HMCN1: variants seen among roughly 807,000 people sequenced by gnomAD.
The protein encoded by HMCN1 is hemicentin 1.
Under a neutral mutation model 625.9 loss-of-function variants are expected in HMCN1, and 321 were observed. The observed-to-expected ratio is 0.51, with a 90% confidence interval of 0.47 to 0.56. HMCN1 has a LOEUF of 0.56. Ranked by LOEUF, HMCN1 falls within the 20% of genes least tolerant of loss-of-function variation. HMCN1 has a pLI of 0.00. For missense variants in HMCN1, 6,588 were observed against 6,887.3 expected, an observed-to-expected ratio of 0.96 and a Z score of 1.54; for synonymous variants, 2,425 against 2,417.6, an observed-to-expected ratio of 1.00 and a Z score of -0.09.
In HMCN1 at chr1:186,081,282, TAG is replaced by T; in HGVS notation, c.8678_8679del (p.Glu2893ValfsTer24). 6.2e-7 allele frequency: 1 copy of T among 1,613,136 alleles called. No individual in the cohort carries two copies. The highest frequency in any genetic ancestry group is 8.5e-7 in the Non-Finnish European group (1 of 1,179,152). On this transcript the variant is annotated frameshift_variant, in exon 56 of 107. Coordinates refer to ENST00000271588, the MANE Select transcript of HMCN1 (RefSeq NM_031935.3). LOFTEE classifies it high-confidence loss of function. The stretch of plus-strand genomic sequence containing the variant: ...GTGCTGGTGAACAAGAGTGCACTGA[TAG>T]AGTGTTTATCCAGTGGCAGCCCAGC...
At chr1:186,127,751 C>T (rs556675723) in intron 82 of HMCN1, among the ~76,000 whole-genome samples, 9 of 152,200 alleles carry the variant, frequency 5.9e-5, no homozygotes, top group Non-Finnish European at 1.3e-4. Context: ...AAGATGCTGT[C>T]AGCTTTTGGG....
chr1:185,994,978 C>A lies in HMCN1; in HGVS notation c.3669C>A (p.Asp1223Glu). 6.2e-7 allele frequency: 1 copy of A among 1,613,844 alleles called. No homozygotes were observed. ...GAGAGCACCATGTTAGCAATCCAGA[C>A]GGAACTTTAAGCATCGACCAAGCCA... ...VDGEHHVSNP[D>E]GTLSIDQATP... The change falls in exon 24 of 107, where the codon GAC (aspartate) becomes GAA (glutamate). Residue 1223 changes from aspartate to glutamate, a missense_variant. Physicochemically the swap from Asp to Glu is conservative, Grantham distance 45. This residue lies in a region of HMCN1 where 4,628 missense variants were observed against 4,853.1 expected (regional missense o/e 0.95). Coordinates refer to ENST00000271588, the MANE Select transcript of HMCN1 (RefSeq NM_031935.3).
chr1:186,080,112 T>C (rs1436923063), intron 55 of HMCN1, among the ~76,000 whole-genome samples: 1 of 152,236 alleles, frequency 6.6e-6, no homozygotes, highest in Non-Finnish European at 1.5e-5. Context: ...TAATCTGCAG[T>C]TCAAATTATA....
At position 186,114,000 on chromosome 1, in the gene HMCN1, G is replaced by C. The variant is rs140251121; in HGVS notation, c.11153G>C (p.Gly3718Ala). Residue 3718 changes from glycine to alanine, a missense_variant, in exon 73 of 107, where the codon GGC becomes GCC. Coordinates refer to ENST00000271588, the MANE Select transcript of HMCN1 (RefSeq NM_031935.3). Reference protein sequence around the residue: ...TVNVPPNIKGGPQSLVILLNK... With the variant: ...TVNVPPNIKGAPQSLVILLNK... ...TCAGTTCCTCCAAACATAAAGGGGG[G>C]CCCCCAGAGCCTTGTAATTCTTTTA... The C allele has an allele frequency of 1.9e-6, 3 of 1,614,076 alleles. No individual in the cohort carries two copies. The South Asian group carries it at 3.3e-5, about 18-fold the overall frequency.
intron 54 of HMCN1, among the ~76,000 whole-genome samples, chr1:186,077,648 C>A (rs1307390320): frequency 6.6e-6 from 1 of 152,102 alleles, no homozygotes; most frequent in Non-Finnish European, 1.5e-5. Context: ...ATTATATCTA[C>A]ATGATGTTTA....
Position 186,068,041 on chromosome 1 carries a change from C to T in HMCN1, c.7879+34C>T, listed in dbSNP as rs368942580. ...TTTGCTTCAGATGTCCAAGATGCAT[C>T]TGCGTCATCTACTATTCTAGAAAAG... On this transcript the variant is annotated intron_variant, in intron 50 of 106. Coordinates refer to ENST00000271588, the MANE Select transcript of HMCN1 (RefSeq NM_031935.3). The T allele has an allele frequency of 5.9e-5, 91 of 1,531,300 alleles. 1 individual carries two copies. Among genetic ancestry groups the T allele is most frequent in the Non-Finnish European group, 8.1e-5 (90 of 1,104,910 alleles). The allele number at this position is 1,531,300 out of a possible 1,614,324, so 94.9% of individuals were successfully genotyped here. A position where few individuals can be genotyped will look rare whatever the true frequency, so the allele number is the denominator to read the frequency against.
Position 186,039,853 on chromosome 1 carries a change from G to C in HMCN1, c.6154G>C (p.Val2052Leu). The C allele has an allele frequency of 1.2e-6, 2 of 1,613,336 alleles. No homozygotes were observed. The highest frequency in any genetic ancestry group is 1.7e-6 in the Non-Finnish European group (2 of 1,179,540). The stretch of plus-strand genomic sequence containing the variant: ...GACCTGGTTGAAAGATGGGAGTCCT[G>C]TTTCTAGTTTTTCTAATGGATTACA... ...SLTWLKDGSP[V>L]SSFSNGLQVL... Residue 2052 changes from valine to leucine, a missense_variant, in exon 39 of 107, where the codon GTT becomes CTT. Val to Leu is a conservative substitution (Grantham distance 32). Coordinates refer to ENST00000271588, the MANE Select transcript of HMCN1 (RefSeq NM_031935.3).
chr1:186,149,761 A>G (rs1650555572), intron 93 of HMCN1, among the ~76,000 whole-genome samples: 1 of 152,140 alleles, frequency 6.6e-6, no homozygotes, highest in Non-Finnish European at 1.5e-5. Flanking sequence ...TCACTTGAAC[A>G]CTTAGAGACC....
intron 36 of HMCN1, among the ~76,000 whole-genome samples, chr1:186,034,574 G>T (rs1655697538): frequency 6.6e-6 from 1 of 152,060 alleles, no homozygotes; most frequent in South Asian, 2.1e-4. Context: ...TCTCAGAATG[G>T]TACTTTCAGG....
intron 100 of HMCN1, among the ~76,000 whole-genome samples, chr1:186,170,463 T>C (rs1023110513): frequency 2.0e-5 from 3 of 152,198 alleles, no homozygotes; most frequent in African/African-American, 7.2e-5. Context: ...ATTCAAAGGA[T>C]TATAAATCAT....
chr1:185,944,024 G>A (rs919439700), intron 11 of HMCN1, among the ~76,000 whole-genome samples: 1 of 152,116 alleles, frequency 6.6e-6, no homozygotes, highest in Non-Finnish European at 1.5e-5. Flanking sequence ...AAGGATTACC[G>A]ACTTTTCCTA....
At chr1:185,961,762 T>G (rs1650041778) in intron 11 of HMCN1, among the ~76,000 whole-genome samples, 1 of 152,214 alleles carries the variant, frequency 6.6e-6, no homozygotes, top group African/African-American at 2.4e-5. Context: ...TTTTCAAAAG[T>G]CTTTTTCCTG....
Position 186,087,660 on chromosome 1 carries a change from C to T in HMCN1, c.9363+15C>T. The T allele has an allele frequency of 6.2e-7, 1 of 1,610,418 alleles. No homozygotes were observed. Among genetic ancestry groups the T allele is most frequent in the Non-Finnish European group, 8.5e-7 (1 of 1,177,162 alleles). ...AGAAAGCTGAGGTGCATCTTTTATTCTTGTTTGAGTGTCATGACACCTTGG... is the reference window on the plus strand; with the variant it reads ...AGAAAGCTGAGGTGCATCTTTTATTTTTGTTTGAGTGTCATGACACCTTGG... On this transcript the variant is annotated intron_variant, in intron 60 of 106. Transcript: ENST00000271588.
At chr1:186,127,204 G>C (rs1661691200) in intron 82 of HMCN1, among the ~76,000 whole-genome samples, 1 of 152,114 alleles carries the variant, frequency 6.6e-6, no homozygotes, top group Non-Finnish European at 1.5e-5. Flanking sequence ...CGGGAGGTCA[G>C]TTTTGGGGCA....
rs778680115 is a variant in HMCN1 at position 186,000,031 on chromosome 1, A to G, written c.3875-14A>G. On this transcript the variant is annotated splice_polypyrimidine_tract_variant and intron_variant, in intron 25 of 106. Transcript: ENST00000271588. ...TTGTTGTAAAATATCACAAGACTTT[A>G]ATTTCTTATTTAGGTACCCCTAAAC... 8.9e-6 allele frequency: 14 copies of G among 1,579,404 alleles called. No individual in the cohort carries two copies. The South Asian group carries it at 1.5e-4, about 16-fold the overall frequency.
chr1:185,926,316 T>G (rs1667275326), intron 9 of HMCN1, among the ~76,000 whole-genome samples: 1 of 152,176 alleles, frequency 6.6e-6, no homozygotes, highest in Admixed American at 6.5e-5. Context: ...GGAATATTCA[T>G]CATAACTAGG....
intron 4 of HMCN1, among the ~76,000 whole-genome samples, chr1:185,893,826 C>A (rs560005220): frequency 6.6e-6 from 1 of 152,168 alleles, no homozygotes; most frequent in Admixed American, 6.5e-5. Flanking sequence ...CATAAGCATA[C>A]AGCTTAATAC....
intron 11 of HMCN1, among the ~76,000 whole-genome samples, chr1:185,934,748 A>G (rs1667727439): frequency 6.6e-6 from 1 of 152,324 alleles, no homozygotes; most frequent in African/African-American, 2.4e-5. Flanking sequence ...TATTAGAAAC[A>G]ACTTTATAAC....
At chr1:186,160,776 G>A (rs1214759804) in intron 97 of HMCN1, among the ~76,000 whole-genome samples, 5 of 151,884 alleles carry the variant, frequency 3.3e-5, no homozygotes, top group Admixed American at 2.6e-4. Context: ...TTGCACTGTG[G>A]TCTGAGAGAT....
Sources: gnomAD v4.1 joint callset for allele counts (sites outside exome capture counted in the v4.1 genomes callset) on GRCh38, gnomAD v4.1.1 for gene constraint, gnomAD v4.1.1 regional missense constraint, MANE v1.5 for transcripts, NCBI Gene and HGNC (gene_info 2026-07-23, HGNC 2026-07-21) for gene names.